The following CBFA2T3 variants were observed in gnomAD, a reference collection of about 807,000 sequenced individuals.
CBFA2T3 encodes CBFA2/RUNX1 partner transcriptional co-repressor 3.
Under a neutral mutation model 58.6 loss-of-function variants are expected in CBFA2T3, and 31 were observed. That is an observed-to-expected ratio of 0.53 (90% confidence interval 0.40 to 0.71). The LOEUF (loss-of-function observed/expected upper bound fraction) is 0.71, where lower values mean the gene tolerates loss of function less well. Ranked by LOEUF, CBFA2T3 falls within the 30% of genes least tolerant of loss-of-function variation. The pLI is 0.00. For synonymous variants in CBFA2T3, 531 were observed against 421.9 expected (o/e 1.26, Z -3.17); for missense variants, 1,076 against 963.1 (o/e 1.12, Z -1.55).
intron 3 of CBFA2T3, among the ~76,000 whole-genome samples, chr16:88,896,424 C>T (rs776230554): frequency 6.6e-6 from 1 of 152,198 alleles, no homozygotes; most frequent in Non-Finnish European, 1.5e-5. Flanking sequence ...CCGATAACGG[C>T]GTCGTATTCT....
intron 2 of CBFA2T3, 147 bp from the exon 3 acceptor site, chr16:88,898,299 G>A (rs966711724): frequency 1.6e-5 from 10 of 638,594 alleles, no homozygotes; most frequent in Non-Finnish European, 2.7e-5. Flanking sequence ...GGGGCACCCG[G>A]GCCGCCTTTT....
chr16:88,933,009 G>T (rs1424262362), intron 1 of CBFA2T3, among the ~76,000 whole-genome samples: 2 of 152,126 alleles, frequency 1.3e-5, no homozygotes, highest in African/African-American at 4.8e-5. Flanking sequence ...TGGCCTCTTG[G>T]GCCAGGTCCT....
intron 1 of CBFA2T3, among the ~76,000 whole-genome samples, chr16:88,974,955 C>T (rs923958055): frequency 1.3e-5 from 2 of 152,144 alleles, no homozygotes; most frequent in Admixed American, 6.5e-5. Flanking sequence ...CCCATGGGTA[C>T]CCTGGAATAG....
At chr16:88,968,932 G>C (rs1597800380) in intron 1 of CBFA2T3, among the ~76,000 whole-genome samples, 1 of 152,152 alleles carries the variant, frequency 6.6e-6, no homozygotes, top group Non-Finnish European at 1.5e-5. Flanking sequence ...TCCAGGGTCT[G>C]CAGCGCTGCA....
intron 1 of CBFA2T3, among the ~76,000 whole-genome samples, chr16:88,925,012 G>A (rs1480682948): frequency 6.6e-6 from 1 of 152,268 alleles, no homozygotes; most frequent in Non-Finnish European, 1.5e-5. Context: ...GCCAAGCCCA[G>A]GGCTTGCTGT....
At chr16:88,957,207 C>G (rs1262377095) in intron 1 of CBFA2T3, among the ~76,000 whole-genome samples, 1 of 152,366 alleles carries the variant, frequency 6.6e-6, no homozygotes, top group East Asian at 1.9e-4. Context: ...CGGCATCTTC[C>G]CTCTCACCAA....
At chr16:88,941,441 A>T (rs1386033146) in intron 1 of CBFA2T3, among the ~76,000 whole-genome samples, 6 of 145,478 alleles carry the variant, frequency 4.1e-5, no homozygotes, top group Non-Finnish European at 1.5e-5. Context: ...CCCGGCGCCC[A>T]TGGCGCTCAG....
At chr16:88,943,929 G>C (rs1213997522) in intron 1 of CBFA2T3, among the ~76,000 whole-genome samples, 2 of 152,170 alleles carry the variant, frequency 1.3e-5, no homozygotes, top group African/African-American at 4.8e-5. Flanking sequence ...GACCTCGGAG[G>C]GCCACACTCA....
chr16:88,892,520 T>C (rs772498570), intron 3 of CBFA2T3, 35 bp from the exon 4 acceptor site: 1 of 1,607,350 alleles, frequency 6.2e-7, no homozygotes, highest in Non-Finnish European at 8.5e-7. Flanking sequence ...GACACAAAGG[T>C]GATGGTGACA....
At chr16:88,913,094 C>T (rs1970581935) in intron 1 of CBFA2T3, among the ~76,000 whole-genome samples, 1 of 152,248 alleles carries the variant, frequency 6.6e-6, no homozygotes, top group South Asian at 2.1e-4. Context: ...CTTCCCTGCC[C>T]CCTGGATCTG....
chr16:88,975,057 CCT>C, intron 1 of CBFA2T3, among the ~76,000 whole-genome samples: 1 of 135,612 alleles, frequency 7.4e-6, no homozygotes, highest in Non-Finnish European at 1.6e-5. Context: ...CATTGCAGCC[CCT>C]AAGCAGGGGC....
intron 1 of CBFA2T3, among the ~76,000 whole-genome samples, chr16:88,916,600 G>C (rs988621737): frequency 2.8e-5 from 4 of 140,862 alleles, no homozygotes; most frequent in Non-Finnish European, 6.2e-5. Flanking sequence ...TCTGCAGACA[G>C]AGCTTCTCTG....
At chr16:88,898,729 G>C (rs918894074) in intron 2 of CBFA2T3, among the ~76,000 whole-genome samples, 2 of 152,194 alleles carry the variant, frequency 1.3e-5, no homozygotes, top group African/African-American at 4.8e-5. Context: ...CACCAAACAG[G>C]AAGAAAGATT....
chr16:88,887,313 CGAGGTCCCGG>C (rs1018012119), intron 5 of CBFA2T3, among the ~76,000 whole-genome samples: 38 of 152,312 alleles, frequency 2.5e-4, no homozygotes, highest in African/African-American at 8.7e-4. Flanking sequence ...AGCTGGGAAA[CGAGGTCCCGG>C]GAGGTCTGAG....
chr16:88,889,425 G>C (rs1351098825), intron 5 of CBFA2T3, among the ~76,000 whole-genome samples: 2 of 150,002 alleles, frequency 1.3e-5, no homozygotes, highest in African/African-American at 4.9e-5. Flanking sequence ...GGGAGCGAGG[G>C]TGGGAACAGA....
In CBFA2T3 at chr16:88,941,216, G is replaced by T. The variant is rs1971715937; in HGVS notation, c.151+35441C>A. 21 of 974,480 alleles carry T rather than the reference G, an allele frequency of 2.2e-5. No individual in the cohort carries two copies. In the South Asian group the frequency reaches 8.0e-4, roughly 37 times the overall value. 60.4% of individuals were successfully genotyped at this position (974,480 alleles called of 1,614,324 possible). On this transcript the variant is annotated intron_variant, in intron 1 of 11. Transcript: ENST00000268679. ...GGGCGGCCGCCTGGGCCATGCCGGGGACTCGGCTCCGGCCACCCCGCGCGG... is the reference window on the plus strand; with the variant it reads ...GGGCGGCCGCCTGGGCCATGCCGGGTACTCGGCTCCGGCCACCCCGCGCGG...
intron 1 of CBFA2T3, among the ~76,000 whole-genome samples, chr16:88,972,483 G>A (rs898318522): frequency 1.3e-5 from 2 of 152,112 alleles, no homozygotes; most frequent in African/African-American, 4.8e-5. Context: ...TCTGACCTTC[G>A]TAAATCCTCC....
intron 7 of CBFA2T3, 22 bp from the exon 8 acceptor site, chr16:88,882,783 G>A (rs768105477): frequency 2.0e-5 from 30 of 1,480,802 alleles, no homozygotes; most frequent in Middle Eastern, 1.7e-4. Context: ...GGAGGTGCAC[G>A]CTTAGGTCCC....
intron 1 of CBFA2T3, among the ~76,000 whole-genome samples, chr16:88,948,264 C>A (rs1441191567): frequency 6.6e-6 from 1 of 152,242 alleles, no homozygotes; most frequent in Non-Finnish European, 1.5e-5. Context: ...CTGTTTCATG[C>A]AAAGACAAGA....
Sources: allele counts gnomAD v4.1 joint callset (sites outside exome capture counted in the v4.1 genomes callset), GRCh38; gene constraint gnomAD v4.1.1; transcripts MANE v1.5; gene names NCBI Gene and HGNC (gene_info 2026-07-23, HGNC 2026-07-21).